The following RIF1 variants were observed in gnomAD, a reference collection of about 807,000 sequenced individuals.
The protein encoded by RIF1 is replication timing regulatory factor 1.
Under a neutral mutation model 247.1 loss-of-function variants are expected in RIF1, and 45 were observed. The ratio of observed to expected loss-of-function variants is 0.18; its 90% CI spans 0.14 to 0.23. The LOEUF is 0.23. Ranked by LOEUF, RIF1 falls within the 10% of genes least tolerant of loss-of-function variation. RIF1 has a pLI of 1.00. For synonymous variants in RIF1, 1,087 were observed against 978.8 expected (o/e 1.11, Z -2.06); for missense variants, 2,967 against 2,862.5 (o/e 1.04, Z -0.83).
the RIF1 span, chr2:151,513,692 T>C: frequency 1.3e-6 from 2 of 1,588,084 alleles, no homozygotes; most frequent in South Asian, 2.3e-5. Context: ...CTTATATTCT[T>C]TCTATAGTAG....
At chr2:151,432,749 A>G (rs1026592375) in intron 9 of RIF1, among the ~76,000 whole-genome samples, 1 of 152,148 alleles carries the variant, frequency 6.6e-6, no homozygotes, top group East Asian at 1.9e-4. Context: ...CGTAGTCTCT[A>G]CTCACTAAGA....
At chr2:151,491,836 C>G in intron 9 of RIF1, 1 of 1,350,252 alleles carries the variant, frequency 7.4e-7, no homozygotes, top group Non-Finnish European at 1.0e-6. Context: ...ACTTGAAAAC[C>G]AAGGCATGAA....
chr2:151,503,240 CAG>C (rs780848334), intron 12 of RIF1: 1 of 800,288 alleles, frequency 1.2e-6, no homozygotes, highest in East Asian at 2.6e-5. Flanking sequence ...ACAACACACA[CAG>C]ACACACACAG....
chr2:151,483,198 G>GT (rs2049237493), downstream of RIF1: 1 of 152,036 alleles, frequency 6.6e-6, no homozygotes, highest in African/African-American at 2.4e-5. Flanking sequence ...CCCTTTTATA[G>GT]TTTCTTGAAG....
At chr2:151,439,269 C>A (rs954113598) in intron 14 of RIF1, among the ~76,000 whole-genome samples, 1 of 152,146 alleles carries the variant, frequency 6.6e-6, no homozygotes, top group African/African-American at 2.4e-5. Context: ...GCCGTCCAAA[C>A]CCGTGTCGTT....
In RIF1 at chr2:151,435,516, T is replaced by C. The variant is rs1691001804; in HGVS notation, c.1131T>C (p.Pro377=). 1 of 1,613,202 alleles carries C rather than the reference T, an allele frequency of 6.2e-7. No individual in the cohort carries two copies. The highest frequency in any genetic ancestry group is 8.5e-7 in the Non-Finnish European group (1 of 1,179,330). ...STISIDSNAS[P]QGNSCHVATS... ...TAAGCATTGATTCTAATGCCTCACC[T>C]CAGGGCAATTCGTGTCATGTAGCTA... The change falls in exon 11 of 36, where the codon CCT becomes CCC. Residue 377 remains proline (P), a synonymous_variant. Transcript: ENST00000444746.
chr2:151,517,288 T>C, the RIF1 span, among the ~76,000 whole-genome samples: 1 of 152,232 alleles, frequency 6.6e-6, no homozygotes. Flanking sequence ...AAGACCCTCA[T>C]GCACGCAGCA....
chr2:151,417,048 A>G, intron 6 of RIF1, 147 bp downstream of exon 6: 1 of 619,674 alleles, frequency 1.6e-6, no homozygotes, highest in Admixed American at 3.3e-5. Context: ...AAGTAATAGA[A>G]AAAAGATGGA....
At chr2:151,509,818 C>T (rs917179653), downstream of RIF1, among the ~76,000 whole-genome samples, 8 of 152,258 alleles carry the variant, frequency 5.3e-5, no homozygotes, top group African/African-American at 1.7e-4. Flanking sequence ...CCATGTTGGT[C>T]AGGATGGTCT....
chr2:151,444,957 A>G (rs1175918717), intron 18 of RIF1, among the ~76,000 whole-genome samples: 1 of 152,220 alleles, frequency 6.6e-6, no homozygotes, highest in Non-Finnish European at 1.5e-5. Context: ...GCTCTGAGAC[A>G]GAATCTGTTC....
At chr2:151,533,135 G>T in the RIF1 span, among the ~76,000 whole-genome samples, 1 of 152,104 alleles carries the variant, frequency 6.6e-6, no homozygotes, top group Non-Finnish European at 1.5e-5. Flanking sequence ...AATCTCTAAG[G>T]AATCTATTTC....
the RIF1 span, among the ~76,000 whole-genome samples, chr2:151,522,524 G>A: frequency 6.6e-6 from 1 of 152,186 alleles, no homozygotes; most frequent in Admixed American, 6.5e-5. Context: ...CCTATTCCAA[G>A]TGGTATGTTC....
At chr2:151,516,285 A>T in the RIF1 span, among the ~76,000 whole-genome samples, 11 of 152,358 alleles carry the variant, frequency 7.2e-5, no homozygotes, top group East Asian at 1.9e-4. Context: ...GAGCATTTTT[A>T]AAAAATAACT....
chr2:151,519,417 A>G, the RIF1 span, among the ~76,000 whole-genome samples: 1 of 152,210 alleles, frequency 6.6e-6, no homozygotes, highest in South Asian at 2.1e-4. Context: ...TGCACTCTCT[A>G]AAACAGGCAA....
intron 12 of RIF1, chr2:151,505,974 C>T (rs2068566920): frequency 1.6e-6 from 1 of 609,362 alleles, no homozygotes; most frequent in East Asian, 2.8e-5. Flanking sequence ...TAATCTCTCC[C>T]TCATGAAAAC....
rs1026213207 is a variant in RIF1 at position 151,477,957 on chromosome 2, C to T, written c.*2886C>T. On this transcript the variant is annotated 3_prime_UTR_variant, in exon 36 of 36. Coordinates refer to ENST00000444746, the MANE Select transcript of RIF1 (RefSeq NM_018151.5). ...ACTTCTGACCTCAGATATCCACCTGCCTCAGCCTCCTAAAATGGTGGCATT... is the reference window on the plus strand; with the variant it reads ...ACTTCTGACCTCAGATATCCACCTGTCTCAGCCTCCTAAAATGGTGGCATT... The T allele has an allele frequency of 3.3e-5, 5 of 152,210 alleles. No individual in the cohort carries two copies. Among genetic ancestry groups the T allele is most frequent in the African/African-American group, 9.7e-5 (4 of 41,446 alleles). 9.4% of individuals were successfully genotyped at this position (152,210 alleles called of 1,614,324 possible).
intron 3 of RIF1, among the ~76,000 whole-genome samples, chr2:151,411,955 C>T (rs898306801): frequency 2.6e-5 from 4 of 152,196 alleles, no homozygotes; most frequent in African/African-American, 9.7e-5. Context: ...AGTTTGTGCT[C>T]TTGAAAGCAG....
At chr2:151,446,262 G>A (rs112276713) in intron 19 of RIF1, among the ~76,000 whole-genome samples, 164 bp from the exon 20 acceptor site, 3 of 152,184 alleles carry the variant, frequency 2.0e-5, no homozygotes, top group Admixed American at 1.3e-4. Context: ...GCCTCCCAGA[G>A]TGCTGGGGTT....
In RIF1 at chr2:151,493,422, T is replaced by C. The variant is rs1353296146; in HGVS notation, c.*416-1807T>C. On this transcript the variant is annotated intron_variant and NMD_transcript_variant, in intron 9 of 13. Transcript: ENST00000454583. ...GAGTAACAGGTGTCGGAGTTGCTTTTCTCATGTTCTCTTTGTACAATACCT... is the reference window on the plus strand; with the variant it reads ...GAGTAACAGGTGTCGGAGTTGCTTTCCTCATGTTCTCTTTGTACAATACCT... 1.2e-6 allele frequency: 2 copies of C among 1,605,372 alleles called. No homozygotes were observed. The highest frequency in any genetic ancestry group is 3.4e-5 in the Admixed American group (2 of 58,190).
Sources: gnomAD v4.1 joint callset for allele counts (sites outside exome capture counted in the v4.1 genomes callset) on GRCh38, gnomAD v4.1.1 for gene constraint, MANE v1.5 for transcripts, NCBI Gene and HGNC (gene_info 2026-07-23, HGNC 2026-07-21) for gene names.